JAKMIP3: variants seen among roughly 807,000 people sequenced by gnomAD.
JAKMIP3 encodes the protein Janus kinase and microtubule interacting protein 3, also known as janus kinase and microtubule-interacting protein 3.
Under a neutral mutation model 118.5 loss-of-function variants are expected in JAKMIP3, and 58 were observed. The ratio of observed to expected loss-of-function variants is 0.49; its 90% CI spans 0.40 to 0.61. The LOEUF (loss-of-function observed/expected upper bound fraction) is 0.61, where lower values mean the gene tolerates loss of function less well. Ranked by LOEUF, JAKMIP3 falls within the 20% of genes least tolerant of loss-of-function variation. The pLI, the probability that JAKMIP3 is intolerant of heterozygous loss-of-function variation, is 0.00. For synonymous variants in JAKMIP3, 486 were observed against 451.2 expected, an observed-to-expected ratio of 1.08 and a Z score of -0.98; for missense variants, 950 against 1,109.0, an observed-to-expected ratio of 0.86 and a Z score of 2.04.
chr10:132,124,447 C>T (rs4880337), intron 3 of JAKMIP3, among the ~76,000 whole-genome samples: 39 of 147,558 alleles, frequency 2.6e-4, no homozygotes, highest in East Asian at 2.4e-3. Flanking sequence ...GGCACATCAC[C>T]GCCGAGCCGG....
chr10:132,162,297 C>G (rs190454040), intron 19 of JAKMIP3, among the ~76,000 whole-genome samples: 17 of 152,344 alleles, frequency 1.1e-4, no homozygotes, highest in African/African-American at 4.1e-4. Flanking sequence ...GCCCACAGTT[C>G]GTGTCACCAC....
At chr10:132,128,804 A>G (rs2818395) in intron 3 of JAKMIP3, among the ~76,000 whole-genome samples, 119,221 of 152,096 alleles carry the variant, frequency 0.78, 47,820 homozygotes, top group East Asian at 0.99. Context: ...TCTCTATTAG[A>G]AAAATATAAA....
In JAKMIP3 at chr10:132,182,790, T is replaced by C. The variant is rs572304006; in HGVS notation, c.*1537T>C. The C allele has an allele frequency of 6.6e-6, 1 of 152,280 alleles. No homozygotes were observed. The highest frequency in any genetic ancestry group is 2.1e-4 in the South Asian group (1 of 4,822). 9.4% of individuals were successfully genotyped at this position (152,280 alleles called of 1,614,324 possible). A position where few individuals can be genotyped will look rare whatever the true frequency, so the allele number is the denominator to read the frequency against. Reference sequence around the variant, plus strand: ...TTTGTGTCAGAAGAAATGTCTGACTTTGGGGCAGATGACACGGTGGCTGCG... The same window carrying C: ...TTTGTGTCAGAAGAAATGTCTGACTCTGGGGCAGATGACACGGTGGCTGCG... On this transcript the variant is annotated 3_prime_UTR_variant, in exon 24 of 24. Coordinates refer to ENST00000684848, the MANE Select transcript of JAKMIP3 (RefSeq NM_001323087.2).
intron 2 of JAKMIP3, among the ~76,000 whole-genome samples, chr10:132,110,525 G>C (rs1423008889): frequency 2.0e-5 from 3 of 152,248 alleles, no homozygotes; most frequent in African/African-American, 7.2e-5. Flanking sequence ...GCCGTGCAGT[G>C]GGGAGCTCAT....
At chr10:132,079,224 G>C (rs1358718408) in intron 1 of JAKMIP3, among the ~76,000 whole-genome samples, 3 of 146,516 alleles carry the variant, frequency 2.0e-5, no homozygotes, top group African/African-American at 7.6e-5. Context: ...ATCTGCATTT[G>C]TTTTCTCTTG....
intron 1 of JAKMIP3, among the ~76,000 whole-genome samples, chr10:132,036,857 C>A (rs981019723): frequency 2.0e-5 from 3 of 151,860 alleles, no homozygotes; most frequent in Non-Finnish European, 4.4e-5. Flanking sequence ...GGCGACGTCC[C>A]GAGGGAGGGG....
At chr10:132,108,278 C>T (rs545157513) in intron 2 of JAKMIP3, among the ~76,000 whole-genome samples, 2 of 152,284 alleles carry the variant, frequency 1.3e-5, no homozygotes, top group African/African-American at 2.4e-5. Flanking sequence ...TGCCCAGGGC[C>T]GCTCAGCATC....
intron 9 of JAKMIP3, among the ~76,000 whole-genome samples, chr10:132,139,153 AGT>A (rs1290939257): frequency 2.2e-5 from 3 of 135,132 alleles, no homozygotes; most frequent in East Asian, 2.1e-4. Flanking sequence ...TGTGAGTATG[AGT>A]GTGTATGTAC....
chr10:132,153,197 T>G (rs561228127), intron 17 of JAKMIP3, among the ~76,000 whole-genome samples, 174 bp downstream of exon 17: 1 of 152,346 alleles, frequency 6.6e-6, no homozygotes, highest in South Asian at 2.1e-4. Flanking sequence ...CAGCACCCAC[T>G]GTGCATCTTT....
rs746479483 is a variant in JAKMIP3 at position 132,135,125 on chromosome 10, C to T, written c.934C>T (p.Arg312Cys). The T allele has an allele frequency of 3.7e-6, 6 of 1,612,558 alleles. No individual in the cohort carries two copies. Among genetic ancestry groups the T allele is most frequent in the Admixed American group, 1.7e-5 (1 of 59,996 alleles). ...LSAIIRKLED[R>C]NALLSEERNE... Reference sequence around the variant, plus strand: ...TGCGATTATCCGCAAACTGGAGGACCGCAATGCATTGCTGTCGGAAGAGAG... The same window carrying T: ...TGCGATTATCCGCAAACTGGAGGACTGCAATGCATTGCTGTCGGAAGAGAG... The change falls in exon 5 of 24, where the codon CGC (arginine) becomes TGC (cysteine). Residue 312 changes from arginine (R) to cysteine (C), a missense_variant. Physicochemically the swap from Arg to Cys is radical, Grantham distance 180 (BLOSUM62 -3). Coordinates refer to ENST00000684848, the MANE Select transcript of JAKMIP3 (RefSeq NM_001323087.2).
intron 1 of JAKMIP3, among the ~76,000 whole-genome samples, chr10:132,054,384 G>A (rs1255017047): frequency 6.6e-6 from 1 of 152,138 alleles, no homozygotes; most frequent in Non-Finnish European, 1.5e-5. Context: ...AGCTTCCTCT[G>A]TGAAGAAGCT....
rs1418372574 is a variant in JAKMIP3 at position 132,167,945 on chromosome 10, T to A, written c.*23-8T>A. The A allele has an allele frequency of 7.8e-7, 1 of 1,289,236 alleles. No individual in the cohort carries two copies. The highest frequency in any genetic ancestry group is 1.0e-6 in the Non-Finnish European group (1 of 988,656). 79.9% of individuals were successfully genotyped at this position (1,289,236 alleles called of 1,614,324 possible). A position where few individuals can be genotyped will look rare whatever the true frequency, so the allele number is the denominator to read the frequency against. On this transcript the variant is annotated splice_region_variant and splice_polypyrimidine_tract_variant and intron_variant, in intron 22 of 23. Transcript: ENST00000684848. The stretch of plus-strand genomic sequence containing the variant: ...CTGACTCTGCACTCTACGTTTCATT[T>A]CTTCCAGCCCCACATTGAATCGGAC...
At chr10:132,082,145 G>A (rs2041851850) in intron 1 of JAKMIP3, among the ~76,000 whole-genome samples, 1 of 130,280 alleles carries the variant, frequency 7.7e-6, no homozygotes, top group African/African-American at 3.0e-5. Context: ...TTGATTAGAT[G>A]CCAGACATTG....
At position 132,138,245 on chromosome 10, in the gene JAKMIP3, G is replaced by A. The variant is rs376431292; in HGVS notation, c.1344+67G>A. 6.6e-5 allele frequency: 92 copies of A among 1,401,762 alleles called. No homozygotes were observed. The African/African-American group carries it at 1.2e-3, about 18-fold the overall frequency. 86.8% of individuals were successfully genotyped at this position (1,401,762 alleles called of 1,614,324 possible). A position where few individuals can be genotyped will look rare whatever the true frequency, so the allele number is the denominator to read the frequency against. On this transcript the variant is annotated intron_variant, in intron 9 of 23. Transcript: ENST00000684848. ...TGTGTGCGGAGAGGACCACGCCCGC[G>A]TGTGTGGAGAGCGCTGGTGTGTGCG... is the stretch of plus-strand genomic sequence containing the variant.
At chr10:132,036,883 C>G (rs1357314414) in intron 1 of JAKMIP3, among the ~76,000 whole-genome samples, 1 of 151,988 alleles carries the variant, frequency 6.6e-6, no homozygotes, top group Non-Finnish European at 1.5e-5. Flanking sequence ...GCGGCAGAGA[C>G]GCCCCTGTCT....
chr10:132,113,331 C>T (rs1177638021), intron 2 of JAKMIP3, among the ~76,000 whole-genome samples: 1 of 152,262 alleles, frequency 6.6e-6, no homozygotes, highest in African/African-American at 2.4e-5. Flanking sequence ...CTGGAAGCCT[C>T]TCTGCAGGTG....
intron 1 of JAKMIP3, among the ~76,000 whole-genome samples, chr10:132,103,364 CA>C (rs2045324931): frequency 6.9e-6 from 1 of 145,342 alleles, no homozygotes; most frequent in Admixed American, 7.2e-5. Context: ...AGAGGAACAT[CA>C]GGGGGAGAGA....
intron 17 of JAKMIP3, among the ~76,000 whole-genome samples, 199 bp downstream of exon 17, chr10:132,153,222 C>T (rs566882757): frequency 6.6e-5 from 10 of 152,314 alleles, no homozygotes; most frequent in Admixed American, 3.3e-4. Context: ...AGGACAGATT[C>T]GGCTCCACTT....
At chr10:132,114,929 A>T (rs6560683) in intron 2 of JAKMIP3, among the ~76,000 whole-genome samples, 40,949 of 152,116 alleles carry the variant, frequency 0.27, 5,519 homozygotes, top group East Asian at 0.33. Context: ...CCAGTGATTT[A>T]AAAAATATTT....
Sources: gnomAD v4.1 joint callset for allele counts (sites outside exome capture counted in the v4.1 genomes callset) on GRCh38, gnomAD v4.1.1 for gene constraint, MANE v1.5 for transcripts, NCBI Gene and HGNC (gene_info 2026-07-23, HGNC 2026-07-21) for gene names.